The following TPP2 variants were observed in gnomAD, a reference collection of about 807,000 sequenced individuals.
The protein encoded by TPP2 is tripeptidyl peptidase 2.
TPP2 carries 34 observed loss-of-function variants against 155.9 expected under a neutral mutation model. The ratio of observed to expected loss-of-function variants is 0.22; its 90% CI spans 0.17 to 0.29. TPP2 has a LOEUF of 0.29. Among genes scored for constraint, TPP2 ranks in the 10% least tolerant of loss-of-function variants. The pLI is 1.00. For missense variants in TPP2, 1,028 were observed against 1,522.3 expected, an observed-to-expected ratio of 0.68 and a Z score of 5.40; for synonymous variants, 510 against 529.4, an observed-to-expected ratio of 0.96 and a Z score of 0.50.
In TPP2 at chr13:102,657,262, T is replaced by C; in HGVS notation, c.3143+55T>C. Reference sequence around the variant, plus strand: ...AAATGTTTAGTTCTATTTTCCCAACTATAACAATATTGTGTATATATACAT... The same window carrying C: ...AAATGTTTAGTTCTATTTTCCCAACCATAACAATATTGTGTATATATACAT... On this transcript the variant is annotated intron_variant, in intron 25 of 29. Transcript: ENST00000376052. The C allele has an allele frequency of 3.5e-6, 5 of 1,447,944 alleles. No homozygotes were observed. The South Asian group carries it at 7.1e-5, about 21-fold the overall frequency. The allele number at this position is 1,447,944 out of a possible 1,614,324, so 89.7% of individuals were successfully genotyped here. A position where few individuals can be genotyped will look rare whatever the true frequency, so the allele number is the denominator to read the frequency against.
At chr13:102,601,005 C>A (rs1405392484) in intron 1 of TPP2, among the ~76,000 whole-genome samples, 1 of 152,072 alleles carries the variant, frequency 6.6e-6, no homozygotes, top group African/African-American at 2.4e-5. Flanking sequence ...AGCCTCCTGC[C>A]TCAGCCACTG....
rs146636313 is a variant in TPP2 at position 102,602,731 on chromosome 13, G to T, written c.166-2062G>T. 4.5e-4 allele frequency among the ~76,000 whole-genome samples: 69 copies of T among 152,292 alleles called. No individual in the cohort carries two copies. The East Asian group carries it at 0.012, about 26-fold the overall frequency. On this transcript the variant is annotated intron_variant, in intron 1 of 29. Coordinates refer to ENST00000376052, the MANE Select transcript of TPP2 (RefSeq NM_001330588.2). ...TTGCAGAGGAAATACTTGTGTTGGG[G>T]TGAGGGGCATGTTGGTCAGAAAGAC...
At chr13:102,649,255 T>C in intron 22 of TPP2, 104 bp downstream of exon 22, 1 of 1,456,928 alleles carries the variant, frequency 6.9e-7, no homozygotes, top group Non-Finnish European at 9.1e-7. Flanking sequence ...GTAGTCATTT[T>C]TTTTTTGGCT....
chr13:102,670,638 G>A (rs1884912005), intron 27 of TPP2, among the ~76,000 whole-genome samples: 1 of 152,092 alleles, frequency 6.6e-6, no homozygotes, highest in Non-Finnish European at 1.5e-5. Flanking sequence ...TTCCCTTTTT[G>A]CTGCAGGAGT....
At chr13:102,647,095 G>A in intron 20 of TPP2, 112 bp from the exon 21 acceptor site, 1 of 1,316,084 alleles carries the variant, frequency 7.6e-7, no homozygotes, top group East Asian at 2.6e-5. Flanking sequence ...TTTACCACAA[G>A]TATTTTTAAT....
chr13:102,617,264 A>C (rs1325800135), intron 4 of TPP2, among the ~76,000 whole-genome samples: 2 of 152,092 alleles, frequency 1.3e-5, no homozygotes, highest in African/African-American at 2.4e-5. Context: ...AAGGGTTTCA[A>C]AATACTTCAT....
At chr13:102,663,402 T>C (rs1884383711) in intron 25 of TPP2, among the ~76,000 whole-genome samples, 1 of 152,230 alleles carries the variant, frequency 6.6e-6, no homozygotes, top group African/African-American at 2.4e-5. Flanking sequence ...TGCCTTGGCC[T>C]CCCAAAGTGC....
intron 27 of TPP2, 102 bp downstream of exon 27, chr13:102,665,027 G>C: frequency 7.3e-7 from 1 of 1,375,028 alleles, no homozygotes; most frequent in South Asian, 1.3e-5. Context: ...TCTGATGTTT[G>C]TTATATCCTT....
chr13:102,604,901 C>G lies in TPP2; in HGVS notation c.274C>G (p.Leu92Val). ...GCCAAAGGATGGTGAGATTGTTGGC[C>G]TTTCAGGAAGAGTGCTTAAGGTGAG... ...VEPKDGEIVG[L>V]SGRVLKIPAS... The change falls in exon 2 of 30, where the codon CTT becomes GTT. Residue 92 changes from leucine (L) to valine (V), a missense_variant. Coordinates refer to ENST00000376052, the MANE Select transcript of TPP2 (RefSeq NM_001330588.2). The G allele has an allele frequency of 6.2e-7, 1 of 1,613,726 alleles. No individual in the cohort carries two copies. Among genetic ancestry groups the G allele is most frequent in the Non-Finnish European group, 8.5e-7 (1 of 1,179,954 alleles).
chr13:102,605,680 C>A lies in TPP2; in HGVS notation c.294+759C>A, dbSNP rs1595131247. Reference sequence around the variant, plus strand: ...ATACTTAGGCTATAGTAGCTGTTAACTTAAATGGCCAGCTTTGTCTTTTTT... The same window carrying A: ...ATACTTAGGCTATAGTAGCTGTTAAATTAAATGGCCAGCTTTGTCTTTTTT... On this transcript the variant is annotated intron_variant, in intron 2 of 29. Transcript: ENST00000376052. Among the ~76,000 whole-genome samples, 4 of 149,584 alleles carry A rather than the reference C, an allele frequency of 2.7e-5. No individual in the cohort carries two copies. In the South Asian group the frequency reaches 6.3e-4, roughly 24 times the overall value.
intron 27 of TPP2, among the ~76,000 whole-genome samples, chr13:102,669,022 T>C (rs980729265): frequency 6.6e-6 from 1 of 152,180 alleles, no homozygotes; most frequent in Non-Finnish European, 1.5e-5. Context: ...AAAGAGGACC[T>C]GAGGGGGTGT....
At chr13:102,674,534 C>T in intron 28 of TPP2, 44 bp downstream of exon 28, 6 of 1,590,654 alleles carry the variant, frequency 3.8e-6, no homozygotes, top group Non-Finnish European at 5.2e-6. Flanking sequence ...TTGGGGTTAC[C>T]TCACAGACCT....
At chr13:102,656,463 T>A (rs1201911680) in intron 24 of TPP2, among the ~76,000 whole-genome samples, 1 of 152,160 alleles carries the variant, frequency 6.6e-6, no homozygotes, top group Non-Finnish European at 1.5e-5. Context: ...CAGAGTGGCT[T>A]TCTATAACCA....
chr13:102,657,103 T>TAAG lies in TPP2; in HGVS notation c.3042_3044dup (p.Lys1014dup). ...ACTTAATACCTCCACCAACAAAGAC[T>TAAG]AAGAATGGCAGCAAAGATAAGGAAA... On this transcript the variant is annotated inframe_insertion, in exon 25 of 30. Transcript: ENST00000376052. 1 of 1,588,908 alleles carries TAAG rather than the reference T, an allele frequency of 6.3e-7. No individual in the cohort carries two copies. The highest frequency in any genetic ancestry group is 8.5e-7 in the Non-Finnish European group (1 of 1,171,556).
Position 102,627,935 on chromosome 13 carries a change from C to G in TPP2, c.1016+11C>G. On this transcript the variant is annotated intron_variant, in intron 8 of 29. Transcript: ENST00000376052. ...CTGGCCAAATTCTGGGTGAGTGTTC[C>G]TTGACAGTTGTTTAGCCATAGAACC... The G allele has an allele frequency of 6.2e-7, 1 of 1,607,348 alleles. No homozygotes were observed. The highest frequency in any genetic ancestry group is 8.5e-7 in the Non-Finnish European group (1 of 1,175,554).
At chr13:102,613,686 G>A (rs922201416) in intron 2 of TPP2, among the ~76,000 whole-genome samples, 1 of 152,144 alleles carries the variant, frequency 6.6e-6, no homozygotes, top group African/African-American at 2.4e-5. Flanking sequence ...CTCTTGTTCA[G>A]GCAAGTAATT....
At position 102,643,334 on chromosome 13, in the gene TPP2, T is replaced by G. The variant is rs1193886864; in HGVS notation, c.2133T>G (p.Ser711=). 1 of 1,612,492 alleles carries G rather than the reference T, an allele frequency of 6.2e-7. No homozygotes were observed. Among genetic ancestry groups the G allele is most frequent in the Non-Finnish European group, 8.5e-7 (1 of 1,179,440 alleles). The part of the protein sequence containing the change: ...YRSHEFYKFC[S]LPEKGTLTEA... Reference sequence around the variant, plus strand: ...GCCATGAATTCTATAAGTTTTGTTCTCTTCCAGAGAAAGGAACACTGACTG... The same window carrying G: ...GCCATGAATTCTATAAGTTTTGTTCGCTTCCAGAGAAAGGAACACTGACTG... The change falls in exon 17 of 30, where the codon TCT becomes TCG. Residue 711 remains serine (S), a synonymous_variant. Transcript: ENST00000376052.
intron 25 of TPP2, among the ~76,000 whole-genome samples, chr13:102,658,924 T>A (rs1884029144): frequency 6.6e-6 from 1 of 152,184 alleles, no homozygotes. Context: ...CCCAGGAGGC[T>A]GTGGTTCCAT....
chr13:102,651,378 G>A lies in TPP2; in HGVS notation c.2972G>A (p.Arg991Gln), dbSNP rs770498834. 9.5e-6 allele frequency: 15 copies of A among 1,583,086 alleles called. No homozygotes were observed. The highest frequency in any genetic ancestry group is 3.6e-5 in the Admixed American group (2 of 55,866). ...GKKAGQSAAK[R>Q]QGKFKKDVIP... The stretch of plus-strand genomic sequence containing the variant: ...TCCCAGGGGCAGTCTGCAGCAAAAC[G>A]ACAAGGAAAATTTAAAAAGGTACTG... The change falls in exon 24 of 30, where the codon CGA becomes CAA. Residue 991 changes from arginine to glutamine, a missense_variant. Transcript: ENST00000376052.
Sources: allele counts gnomAD v4.1 joint callset (sites outside exome capture counted in the v4.1 genomes callset), GRCh38; gene constraint gnomAD v4.1.1; transcripts MANE v1.5; gene names NCBI Gene and HGNC (gene_info 2026-07-23, HGNC 2026-07-21).